The following KIAA0232 variants were observed in gnomAD, a reference collection of about 807,000 sequenced individuals.
KIAA0232 encodes uncharacterized protein KIAA0232.
KIAA0232 carries 27 observed loss-of-function variants against 122.0 expected under a neutral mutation model. The ratio of observed to expected loss-of-function variants is 0.22; its 90% CI spans 0.16 to 0.31. KIAA0232 has a LOEUF of 0.31. KIAA0232 is among the 10% of genes least tolerant of loss of function. The pLI is 1.00. For missense variants in KIAA0232, 1,551 were observed against 1,634.2 expected, an observed-to-expected ratio of 0.95 and a Z score of 0.88; for synonymous variants, 613 against 587.6, an observed-to-expected ratio of 1.04 and a Z score of -0.63.
chr4:6,852,199 G>A (rs890591309), intron 4 of KIAA0232, among the ~76,000 whole-genome samples: 4 of 152,040 alleles, frequency 2.6e-5, no homozygotes, highest in Non-Finnish European at 5.9e-5. Flanking sequence ...AGACCATTCC[G>A]TGTTCAAGGA....
At chr4:6,868,265 CTGTTTCAT>C (rs1321913449) in intron 7 of KIAA0232, among the ~76,000 whole-genome samples, 1 of 152,220 alleles carries the variant, frequency 6.6e-6, no homozygotes, top group Non-Finnish European at 1.5e-5. Flanking sequence ...CTTCTTTTCA[CTGTTTCAT>C]TCATTCATCA....
intron 1 of KIAA0232, among the ~76,000 whole-genome samples, chr4:6,790,950 G>C (rs1577352182): frequency 1.0e-5 from 1 of 97,456 alleles, no homozygotes; most frequent in Admixed American, 1.5e-4. Flanking sequence ...AGGCAGTCTT[G>C]CTCTGTCACC....
chr4:6,867,167 T>G (rs1285627592), intron 7 of KIAA0232, among the ~76,000 whole-genome samples: 1 of 152,182 alleles, frequency 6.6e-6, no homozygotes, highest in Non-Finnish European at 1.5e-5. Context: ...AGTCAGTTCT[T>G]TATGTTTTAG....
intron 4 of KIAA0232, among the ~76,000 whole-genome samples, chr4:6,856,896 A>G (rs762491949): frequency 3.9e-5 from 6 of 152,192 alleles, no homozygotes; most frequent in Admixed American, 1.3e-4. Context: ...CCTTTGGAAA[A>G]ACAGAAGCTA....
chr4:6,870,291 G>A (rs1288356694), intron 7 of KIAA0232, among the ~76,000 whole-genome samples: 1 of 152,236 alleles, frequency 6.6e-6, no homozygotes, highest in Non-Finnish European at 1.5e-5. Flanking sequence ...GTTCAGGCTA[G>A]GTCCCTCTTC....
chr4:6,842,608 CAG>C (rs1719722827), intron 4 of KIAA0232, among the ~76,000 whole-genome samples: 3 of 142,058 alleles, frequency 2.1e-5, no homozygotes. Context: ...TTTTTTAAGA[CAG>C]TGTCTCACTC....
intron 2 of KIAA0232, among the ~76,000 whole-genome samples, chr4:6,819,751 T>C (rs977481092): frequency 2.3e-4 from 35 of 152,180 alleles, no homozygotes; most frequent in African/African-American, 8.4e-4. Context: ...CATTACTAGC[T>C]ACATCTCAGA....
At chr4:6,834,903 GGTAAGAGT>G (rs1322637622) in intron 3 of KIAA0232, among the ~76,000 whole-genome samples, 1 of 152,102 alleles carries the variant, frequency 6.6e-6, no homozygotes, top group African/African-American at 2.4e-5. Context: ...TTTTATTTGT[GGTAAGAGT>G]GTTGTTGCCC....
chr4:6,794,564 G>T (rs933390145), intron 1 of KIAA0232, among the ~76,000 whole-genome samples: 1 of 152,212 alleles, frequency 6.6e-6, no homozygotes, highest in Admixed American at 6.5e-5. Context: ...AAAAGATGGG[G>T]TGTTGCATCG....
At chr4:6,826,913 T>G (rs1051584504) in intron 3 of KIAA0232, among the ~76,000 whole-genome samples, 1 of 151,450 alleles carries the variant, frequency 6.6e-6, no homozygotes, top group African/African-American at 2.4e-5. Context: ...TTGTGAATCC[T>G]CTGGTTTCTT....
chr4:6,802,453 TTTGA>T (rs1351913404), intron 1 of KIAA0232, among the ~76,000 whole-genome samples: 6 of 152,202 alleles, frequency 3.9e-5, no homozygotes, highest in Non-Finnish European at 8.8e-5. Context: ...TTAGAAATTT[TTTGA>T]TTGATTTCAT....
At position 6,882,748 on chromosome 4, in the gene KIAA0232, T is replaced by TA. The variant is rs906391263; in HGVS notation, c.*1787dup. 6.5e-6 allele frequency: 1 copy of TA among 152,692 alleles called. No homozygotes were observed. Among genetic ancestry groups the TA allele is most frequent in the Non-Finnish European group, 1.5e-5 (1 of 68,044 alleles). The allele number at this position is 152,692 out of a possible 1,614,324, so 9.5% of individuals were successfully genotyped here. A position where few individuals can be genotyped will look rare whatever the true frequency, so the allele number is the denominator to read the frequency against. On this transcript the variant is annotated 3_prime_UTR_variant, in exon 10 of 10. Coordinates refer to ENST00000307659, the MANE Select transcript of KIAA0232 (RefSeq NM_014743.3). ...TATTTTTCATTCTTCTGGAGCTTCCTAAAAATTGATAAGCATCTGCACTGA... is the reference window on the plus strand; with the variant it reads ...TATTTTTCATTCTTCTGGAGCTTCCTAAAAAATTGATAAGCATCTGCACTGA...
At chr4:6,817,437 G>T (rs935367296) in intron 2 of KIAA0232, among the ~76,000 whole-genome samples, 2 of 152,132 alleles carry the variant, frequency 1.3e-5, no homozygotes, top group Middle Eastern at 3.4e-3. Flanking sequence ...GGATGGTCTC[G>T]ATCTCCTGAC....
intron 8 of KIAA0232, among the ~76,000 whole-genome samples, chr4:6,872,160 G>C (rs1243965732): frequency 6.6e-6 from 1 of 152,196 alleles, no homozygotes; most frequent in African/African-American, 2.4e-5. Flanking sequence ...GCCGTTGACA[G>C]GATTTAAATT....
rs531198718 is a variant in KIAA0232, at chr4:6,843,585, C to G, written c.369+1381C>G. ...GGAGTTCGAGACCAGCCTGGTCCAA[C>G]ATAGTGAAACCCCATCTCTACTAAA... On this transcript the variant is annotated intron_variant, in intron 4 of 9. Transcript: ENST00000307659. 4.0e-4 allele frequency among the ~76,000 whole-genome samples: 61 copies of G among 152,252 alleles called. 1 individual carries two copies. In the South Asian group the frequency reaches 0.011, roughly 26 times the overall value.
At position 6,863,675 on chromosome 4, in the gene KIAA0232, G is replaced by C. The variant is rs778986189; in HGVS notation, c.3293G>C (p.Arg1098Thr). 1.9e-6 allele frequency: 3 copies of C among 1,614,190 alleles called. No homozygotes were observed. The East Asian group carries it at 6.7e-5, about 36-fold the overall frequency. Residue 1098 changes from arginine to threonine, a missense_variant, in exon 7 of 10, where the codon AGG (arginine) becomes ACG (threonine). By Grantham distance (71) the Arg-to-Thr change is moderately conservative (BLOSUM62 -1). Coordinates refer to ENST00000307659, the MANE Select transcript of KIAA0232 (RefSeq NM_014743.3). ...RICGVDRTQY[R>T]AIRISPRTHF... ...TGTGGTGTTGACAGAACACAATACA[G>C]GGCTATTCGGATCTCTCCTCGGACT...
chr4:6,882,303 C>T lies in KIAA0232; in HGVS notation c.*1337C>T, dbSNP rs539964382. On this transcript the variant is annotated 3_prime_UTR_variant, in exon 10 of 10. Coordinates refer to ENST00000307659, the MANE Select transcript of KIAA0232 (RefSeq NM_014743.3). Reference sequence around the variant, plus strand: ...TAATCTGTGAAATCAGCGTAGCATGCCTGGAGCATCAGGAATGGCAGAAAA... The same window carrying T: ...TAATCTGTGAAATCAGCGTAGCATGTCTGGAGCATCAGGAATGGCAGAAAA... 2 of 152,256 alleles carry T rather than the reference C, an allele frequency of 1.3e-5. No individual in the cohort carries two copies. Among genetic ancestry groups the T allele is most frequent in the East Asian group, 3.9e-4 (2 of 5,180 alleles). The allele number at this position is 152,256 out of a possible 1,614,324, so 9.4% of individuals were successfully genotyped here.
intron 3 of KIAA0232, among the ~76,000 whole-genome samples, chr4:6,833,277 A>G (rs1213561183): frequency 6.6e-6 from 1 of 152,232 alleles, no homozygotes; most frequent in Non-Finnish European, 1.5e-5. Flanking sequence ...TGTTATTTGC[A>G]TTTAAACAAC....
intron 9 of KIAA0232, among the ~76,000 whole-genome samples, chr4:6,877,298 C>G: frequency 6.6e-6 from 1 of 152,210 alleles, no homozygotes; most frequent in East Asian, 1.9e-4. Flanking sequence ...ATGTCTGCCT[C>G]TTCCACAAGC....
Sources: gnomAD v4.1 joint callset for allele counts (sites outside exome capture counted in the v4.1 genomes callset) on GRCh38, gnomAD v4.1.1 for gene constraint, MANE v1.5 for transcripts, NCBI Gene and HGNC (gene_info 2026-07-23, HGNC 2026-07-21) for gene names.